The following UST variants were observed in gnomAD, a reference collection of about 807,000 sequenced individuals.
The protein encoded by UST is chondroitin sulfate 2-O-sulfotransferase.
In UST, 21 loss-of-function variants were observed where a neutral mutation model predicts 45.6. The ratio of observed to expected loss-of-function variants is 0.46; its 90% CI spans 0.33 to 0.66. The LOEUF is 0.66. UST is among the 30% of genes least tolerant of loss of function. The pLI is 0.02. For missense variants in UST, 463 were observed against 512.4 expected (o/e 0.90, Z 0.93); for synonymous variants, 215 against 200.6 (o/e 1.07, Z -0.61).
intron 1 of UST, among the ~76,000 whole-genome samples, chr6:148,877,451 G>C (rs113359495): frequency 1.3e-5 from 1 of 76,880 alleles, no homozygotes; most frequent in Non-Finnish European, 2.5e-5. Context: ...CGTATGAGTG[G>C]GGGGATCGTG....
At chr6:148,946,508 CT>C in intron 3 of UST, among the ~76,000 whole-genome samples, 1 of 34,236 alleles carries the variant, frequency 2.9e-5, no homozygotes, top group Non-Finnish European at 6.6e-5. Context: ...AAGACTCCAT[CT>C]CAAAAAAAAA....
intron 1 of UST, among the ~76,000 whole-genome samples, chr6:148,772,073 A>G (rs1234725596): frequency 6.6e-6 from 1 of 152,258 alleles, no homozygotes; most frequent in Non-Finnish European, 1.5e-5. Flanking sequence ...GTGAAAGCAT[A>G]ATATCAAACC....
chr6:148,891,012 A>C (rs1460788635), intron 2 of UST, among the ~76,000 whole-genome samples: 1 of 152,194 alleles, frequency 6.6e-6, no homozygotes, highest in Non-Finnish European at 1.5e-5. Flanking sequence ...TGGAAAGGGT[A>C]ATAGTGTTTT....
chr6:148,802,628 C>A (rs1361959749), intron 1 of UST, among the ~76,000 whole-genome samples: 2 of 152,162 alleles, frequency 1.3e-5, no homozygotes, highest in Non-Finnish European at 2.9e-5. Context: ...ACTCTCTTGG[C>A]TCTTAACTAC....
At chr6:148,976,522 G>A (rs1781020283) in intron 5 of UST, among the ~76,000 whole-genome samples, 2 of 152,190 alleles carry the variant, frequency 1.3e-5, no homozygotes, top group Non-Finnish European at 2.9e-5. Context: ...TCCATCTTGT[G>A]CATCATTCAA....
At chr6:148,803,842 A>T (rs1195840657) in intron 1 of UST, among the ~76,000 whole-genome samples, 6 of 152,170 alleles carry the variant, frequency 3.9e-5, no homozygotes. Context: ...GGACCTTTGC[A>T]CATGCGGGAT....
At chr6:149,067,888 A>C (rs890848955) in intron 7 of UST, among the ~76,000 whole-genome samples, 1 of 152,128 alleles carries the variant, frequency 6.6e-6, no homozygotes, top group Non-Finnish European at 1.5e-5. Context: ...AATGTTTCCT[A>C]CTGGAAACAC....
intron 4 of UST, among the ~76,000 whole-genome samples, chr6:148,958,692 C>T (rs1008159074): frequency 6.6e-6 from 1 of 152,190 alleles, no homozygotes; most frequent in African/African-American, 2.4e-5. Context: ...AGCCTTGCAA[C>T]AGACTACAAT....
At chr6:148,912,915 TA>T (rs1357060861) in intron 2 of UST, among the ~76,000 whole-genome samples, 5 of 152,172 alleles carry the variant, frequency 3.3e-5, no homozygotes, top group African/African-American at 1.2e-4. Flanking sequence ...TTATCAGTGG[TA>T]ATGTGCACTT....
Position 149,076,630 on chromosome 6 carries a change from C to A in UST, c.*2514C>A, listed in dbSNP as rs1320508497. ...ACATTTTTTTTGGCCCTGGGCCCAA[C>A]AGTTTGTACTTCATGAAACATATTG... On this transcript the variant is annotated 3_prime_UTR_variant, in exon 8 of 8. Transcript: ENST00000367463. 5.9e-5 allele frequency: 9 copies of A among 152,626 alleles called. No homozygotes were observed. Among genetic ancestry groups the A allele is most frequent in the African/African-American group, 2.2e-4 (9 of 41,450 alleles). The allele number at this position is 152,626 out of a possible 1,614,324, so 9.5% of individuals were successfully genotyped here.
intron 1 of UST, among the ~76,000 whole-genome samples, chr6:148,867,285 TACACACACACACAC>T (rs58093813): frequency 0.014 from 1,889 of 136,842 alleles, 34 homozygotes; most frequent in African/African-American, 0.046. Flanking sequence ...CATTGTTGAA[TACACACACACACAC>T]ACACACACAC....
intron 1 of UST, among the ~76,000 whole-genome samples, chr6:148,850,937 G>T (rs1778091927): frequency 6.6e-6 from 1 of 152,184 alleles, no homozygotes; most frequent in Admixed American, 6.5e-5. Context: ...CTTGGCTGGA[G>T]GGTAGAGCAA....
intron 5 of UST, among the ~76,000 whole-genome samples, chr6:148,972,526 T>C (rs1780936264): frequency 6.6e-6 from 1 of 152,248 alleles, no homozygotes; most frequent in South Asian, 2.1e-4. Flanking sequence ...GAAGCAACGC[T>C]GCTCTGATGG....
intron 2 of UST, among the ~76,000 whole-genome samples, chr6:148,901,281 G>A (rs1779251150): frequency 6.6e-6 from 1 of 152,152 alleles, no homozygotes; most frequent in African/African-American, 2.4e-5. Flanking sequence ...GACATGATAT[G>A]GAATTCCAGA....
rs566742030 is a variant in UST, at chr6:149,075,064, T to A, written c.*948T>A. The stretch of plus-strand genomic sequence containing the variant: ...AAGACAGATAAATCTGAAGGTCATG[T>A]GGCATCAGGGAAAGGGCATGGCTGT... On this transcript the variant is annotated 3_prime_UTR_variant, in exon 8 of 8. Coordinates refer to ENST00000367463, the MANE Select transcript of UST (RefSeq NM_005715.3). 2.6e-5 allele frequency: 4 copies of A among 152,396 alleles called. No individual in the cohort carries two copies. In the South Asian group the frequency reaches 8.3e-4, roughly 32 times the overall value. The allele number at this position is 152,396 out of a possible 1,614,324, so 9.4% of individuals were successfully genotyped here. A position where few individuals can be genotyped will look rare whatever the true frequency, so the allele number is the denominator to read the frequency against.
At chr6:149,026,355 G>A (rs1485762627) in intron 7 of UST, among the ~76,000 whole-genome samples, 1 of 152,134 alleles carries the variant, frequency 6.6e-6, no homozygotes, top group African/African-American at 2.4e-5. Flanking sequence ...ACTGAAGCCA[G>A]CCCAGAGAAG....
At chr6:149,048,332 CA>C (rs765832029) in intron 7 of UST, among the ~76,000 whole-genome samples, 32 of 151,952 alleles carry the variant, frequency 2.1e-4, no homozygotes, top group Admixed American at 1.1e-3. Context: ...CACTTGAGGT[CA>C]GGAGTTCGAG....
At chr6:148,941,514 C>A in intron 3 of UST, 80 bp downstream of exon 3, 1 of 1,431,584 alleles carries the variant, frequency 7.0e-7, no homozygotes, top group Admixed American at 2.5e-5. Context: ...ACAGGTCATC[C>A]TTCAGACTCC....
chr6:148,902,473 C>T (rs916135486), intron 2 of UST, among the ~76,000 whole-genome samples: 12 of 151,358 alleles, frequency 7.9e-5, no homozygotes, highest in Admixed American at 2.0e-4. Flanking sequence ...TGGGCTTAAG[C>T]GATCCTCCCG....
Sources: gnomAD v4.1 joint callset for allele counts (sites outside exome capture counted in the v4.1 genomes callset) on GRCh38, gnomAD v4.1.1 for gene constraint, MANE v1.5 for transcripts, NCBI Gene and HGNC (gene_info 2026-07-23, HGNC 2026-07-21) for gene names.